Variants in SNTG1 observed in about 807,000 individuals in gnomAD.
The protein encoded by SNTG1 is gamma-1-syntrophin.
A neutral mutation model predicts 74.7 loss-of-function variants in SNTG1; 39 were observed. The observed-to-expected ratio is 0.52, with a 90% CI of 0.40 to 0.68. The LOEUF (loss-of-function observed/expected upper bound fraction) is 0.68. Ranked by LOEUF, SNTG1 falls within the 30% of genes least tolerant of loss-of-function variation. The pLI, the probability that SNTG1 is intolerant of heterozygous loss-of-function variation, is 0.00. For missense variants in SNTG1, 685 were observed against 609.5 expected, an observed-to-expected ratio of 1.12 and a Z score of -1.30; for synonymous variants, 254 against 217.1, an observed-to-expected ratio of 1.17 and a Z score of -1.49.
intron 1 of SNTG1, among the ~76,000 whole-genome samples, chr8:49,940,104 T>A (rs751046716): frequency 6.6e-6 from 1 of 152,156 alleles, no homozygotes; most frequent in African/African-American, 2.4e-5. Flanking sequence ...TTTGAGGTGC[T>A]TGGGTTGAAC....
chr8:50,381,429 T>C (rs7845433), intron 2 of SNTG1, among the ~76,000 whole-genome samples: 95,929 of 150,284 alleles, frequency 0.64, 30,772 homozygotes, highest in East Asian at 0.82. Context: ...TATGGGAAGA[T>C]GAATGTGTCT....
intron 2 of SNTG1, among the ~76,000 whole-genome samples, chr8:50,293,416 T>TC (rs887298578): frequency 7.5e-5 from 10 of 133,542 alleles, no homozygotes; most frequent in African/African-American, 2.4e-4. Context: ...TTTTTTTTTT[T>TC]CTTTTTTTTT....
rs951785706 is a variant in SNTG1 at position 50,795,441 on chromosome 8, G to T, written c.*2612G>T. The T allele has an allele frequency of 3.3e-5, 5 of 151,974 alleles. No homozygotes were observed. Among genetic ancestry groups the T allele is most frequent in the African/African-American group, 1.2e-4 (5 of 41,384 alleles). 9.4% of individuals were successfully genotyped at this position (151,974 alleles called of 1,614,324 possible). A position where few individuals can be genotyped will look rare whatever the true frequency, so the allele number is the denominator to read the frequency against. ...AATTTCTATCTCTCATATAATTTAG[G>T]TTTACATGTAAGAGATTTATTCATA... On this transcript the variant is annotated 3_prime_UTR_variant, in exon 19 of 19. Coordinates refer to ENST00000642720, the MANE Select transcript of SNTG1 (RefSeq NM_018967.5).
chr8:50,301,032 T>C (rs113242195), intron 2 of SNTG1, among the ~76,000 whole-genome samples: 44 of 152,166 alleles, frequency 2.9e-4, no homozygotes, highest in African/African-American at 8.9e-4. Context: ...AAAGCCTGTG[T>C]AGAATTATCT....
chr8:50,673,808 T>C (rs2095296975), intron 15 of SNTG1, among the ~76,000 whole-genome samples: 1 of 152,178 alleles, frequency 6.6e-6, no homozygotes, highest in Non-Finnish European at 1.5e-5. Flanking sequence ...ATATCTGTTG[T>C]GGGTTTGTCA....
chr8:50,625,535 AC>A (rs1221002312), intron 13 of SNTG1, among the ~76,000 whole-genome samples: 1 of 152,208 alleles, frequency 6.6e-6, no homozygotes, highest in Admixed American at 6.5e-5. Flanking sequence ...ATAAATAAGG[AC>A]CAAAAAAGAA....
intron 1 of SNTG1, among the ~76,000 whole-genome samples, chr8:50,123,388 T>C (rs1156709038): frequency 7.0e-6 from 1 of 142,370 alleles, no homozygotes; most frequent in Non-Finnish European, 1.6e-5. Context: ...TTATGTGAAT[T>C]CCTAATGATC....
At chr8:50,090,762 A>C (rs1415116215) in intron 1 of SNTG1, among the ~76,000 whole-genome samples, 1 of 152,162 alleles carries the variant, frequency 6.6e-6, no homozygotes, top group East Asian at 1.9e-4. Context: ...ACAATCAGGA[A>C]GAGCCATTAT....
intron 1 of SNTG1, among the ~76,000 whole-genome samples, chr8:49,958,250 G>T (rs1454328106): frequency 1.3e-5 from 2 of 152,094 alleles, no homozygotes; most frequent in African/African-American, 4.8e-5. Context: ...CTGAACACAA[G>T]GCACACATCC....
chr8:50,523,595 T>G (rs772252440), intron 9 of SNTG1, among the ~76,000 whole-genome samples: 2 of 152,170 alleles, frequency 1.3e-5, no homozygotes, highest in African/African-American at 4.8e-5. Flanking sequence ...TCAGAACACA[T>G]ACAACATTTA....
intron 1 of SNTG1, among the ~76,000 whole-genome samples, chr8:50,154,910 G>C (rs536205945): frequency 6.6e-6 from 1 of 152,314 alleles, no homozygotes; most frequent in Admixed American, 6.5e-5. Flanking sequence ...TTCAGTTCAT[G>C]GCAATGTGGC....
At chr8:50,293,596 G>C (rs2089231261) in intron 2 of SNTG1, among the ~76,000 whole-genome samples, 1 of 151,952 alleles carries the variant, frequency 6.6e-6, no homozygotes, top group African/African-American at 2.4e-5. Flanking sequence ...TTTTAGTAGA[G>C]ATGGGGTTTC....
At chr8:50,584,016 T>C (rs549119364) in intron 12 of SNTG1, among the ~76,000 whole-genome samples, 1 of 152,194 alleles carries the variant, frequency 6.6e-6, no homozygotes, top group African/African-American at 2.4e-5. Flanking sequence ...AGTGAGAACA[T>C]GCGGTGTTTG....
chr8:50,109,753 G>A (rs1031291501), intron 1 of SNTG1, among the ~76,000 whole-genome samples: 3 of 152,118 alleles, frequency 2.0e-5, no homozygotes, highest in African/African-American at 7.2e-5. Context: ...CTATTGAAGG[G>A]AAATTGAGAA....
chr8:50,546,650 G>C (rs1019517920), intron 11 of SNTG1, among the ~76,000 whole-genome samples: 3 of 151,278 alleles, frequency 2.0e-5, no homozygotes, highest in Admixed American at 6.6e-5. Context: ...TTTTGTCCTT[G>C]TGGTAGTTTG....
chr8:50,138,628 CAATAATAATAATAATAAT>C (rs34280300), intron 1 of SNTG1, among the ~76,000 whole-genome samples: 5 of 140,864 alleles, frequency 3.5e-5, no homozygotes, highest in African/African-American at 1.1e-4. Flanking sequence ...TCTGTCTCAA[CAATAATAATAATAATAAT>C]AATAATAATA....
At chr8:50,253,831 G>A (rs1281644721) in intron 2 of SNTG1, among the ~76,000 whole-genome samples, 1 of 151,324 alleles carries the variant, frequency 6.6e-6, no homozygotes. Context: ...AAGGTCACAA[G>A]ATCTCATTCC....
At chr8:50,685,206 T>C (rs559394034) in intron 15 of SNTG1, among the ~76,000 whole-genome samples, 1 of 152,146 alleles carries the variant, frequency 6.6e-6, no homozygotes, top group East Asian at 1.9e-4. Context: ...ATGACAAACA[T>C]AGGAAAATAA....
intron 3 of SNTG1, among the ~76,000 whole-genome samples, chr8:50,401,654 CATGT>C (rs2092807628): frequency 6.6e-6 from 1 of 151,912 alleles, no homozygotes; most frequent in East Asian, 1.9e-4. Context: ...TGCATGCATG[CATGT>C]GTTTGTTGGT....
Sources: allele counts gnomAD v4.1 joint callset (sites outside exome capture counted in the v4.1 genomes callset), GRCh38; gene constraint gnomAD v4.1.1; transcripts MANE v1.5; gene names NCBI Gene and HGNC (gene_info 2026-07-23, HGNC 2026-07-21).